The following EML2 variants were observed in gnomAD, a reference collection of about 807,000 sequenced individuals.
EML2 encodes the protein echinoderm microtubule-associated protein-like 2.
In EML2, 59 loss-of-function variants were observed where a neutral mutation model predicts 84.7. That is an observed-to-expected ratio of 0.70 (90% CI 0.56 to 0.86). The LOEUF (loss-of-function observed/expected upper bound fraction) is 0.86, where lower values mean the gene tolerates loss of function less well. Among genes scored for constraint, EML2 ranks in the 40% least tolerant of loss-of-function variants. The pLI is 0.00. For synonymous variants in EML2, 352 were observed against 348.9 expected, an observed-to-expected ratio of 1.01 and a Z score of -0.10; for missense variants, 818 against 855.6, an observed-to-expected ratio of 0.96 and a Z score of 0.55.
At chr19:45,639,659 C>G (rs539042862), upstream of EML2, among the ~76,000 whole-genome samples, 1 of 152,134 alleles carries the variant, frequency 6.6e-6, no homozygotes, top group South Asian at 2.1e-4. Flanking sequence ...CACAGGTCGT[C>G]CAACCTCTGC....
At position 45,632,188 on chromosome 19, in the gene EML2, T is replaced by C. The variant is rs950034581; in HGVS notation, c.510+673A>G. ...GATTACAGGCGTGAGCCACTGCACCTGGCCTTTTTTTTTTTTTGAGTACGA... is the reference window on the plus strand; with the variant it reads ...GATTACAGGCGTGAGCCACTGCACCCGGCCTTTTTTTTTTTTTGAGTACGA... On this transcript the variant is annotated intron_variant, in intron 6 of 18. Transcript: ENST00000245925. 2.0e-4 allele frequency among the ~76,000 whole-genome samples: 23 copies of C among 116,490 alleles called. No homozygotes were observed. In the East Asian group the frequency reaches 6.2e-3, roughly 31 times the overall value. 76.4% of individuals were successfully genotyped at this position (116,490 alleles called of 152,430 possible).
chr19:45,638,528 A>C lies in EML2; in HGVS notation c.156T>G (p.Ser52=). 6.2e-7 allele frequency: 1 copy of C among 1,614,088 alleles called. No individual in the cohort carries two copies. Residue 52 remains serine (S), a synonymous_variant, in exon 3 of 19, where the codon TCT becomes TCG. Coordinates refer to ENST00000245925, the MANE Select transcript of EML2 (RefSeq NM_012155.4). ...ACACCCACTCCAGCTTGAGCCGGCA[A>C]GAAGGCAGCTCCGAGCGTGTGTCCA... ...YSLDTRSELP[S]CRLKLEWVYG...
At chr19:45,630,901 C>T (rs1972953059) in intron 6 of EML2, among the ~76,000 whole-genome samples, 1 of 152,152 alleles carries the variant, frequency 6.6e-6, no homozygotes, top group African/African-American at 2.4e-5. Context: ...ATTGCCCAAG[C>T]TGGAATGCAG....
In EML2 at chr19:45,616,575, G is replaced by C; in HGVS notation, c.1412-17C>G. 1.9e-6 allele frequency: 3 copies of C among 1,595,328 alleles called. No individual in the cohort carries two copies. Among genetic ancestry groups the C allele is most frequent in the Non-Finnish European group, 2.6e-6 (3 of 1,164,912 alleles). ...ACGCCCCGTCTGGGGGAGGGGGAGG[G>C]GGGCTATGAGGAGGCACCCAGGCTC... is the stretch of plus-strand genomic sequence containing the variant. On this transcript the variant is annotated splice_polypyrimidine_tract_variant and intron_variant, in intron 14 of 18. Coordinates refer to ENST00000245925, the MANE Select transcript of EML2 (RefSeq NM_012155.4).
chr19:45,611,605 C>T (rs1970506892), intron 18 of EML2, among the ~76,000 whole-genome samples: 1 of 151,866 alleles, frequency 6.6e-6, no homozygotes, highest in African/African-American at 2.4e-5. Context: ...CCTGCCTCAG[C>T]CTCCTGAGTA....
rs780966098 is a variant in EML2 at position 45,630,008 on chromosome 19, A to T, written c.549T>A (p.Asn183Lys). ...AGTCCCACACCGAGAGCATGTGATC[A>T]TTGGATTCATCCACTGCACACAGCA... ...GNLLCAVDES[N>K]DHMLSVWDWA... Residue 183 changes from asparagine to lysine, a missense_variant, in exon 7 of 19, where the codon AAT becomes AAA. Physicochemically the swap from Asn to Lys is moderately conservative, Grantham distance 94. Coordinates refer to ENST00000245925, the MANE Select transcript of EML2 (RefSeq NM_012155.4). The T allele has an allele frequency of 6.2e-7, 1 of 1,613,494 alleles. No individual in the cohort carries two copies. The highest frequency in any genetic ancestry group is 1.3e-5 in the African/African-American group (1 of 74,986).
intron 6 of EML2, among the ~76,000 whole-genome samples, chr19:45,631,884 ATTTTTT>A (rs755529171): frequency 1.0e-4 from 9 of 90,318 alleles, no homozygotes; most frequent in Non-Finnish European, 1.7e-4. Context: ...GCTAATTAGA[ATTTTTT>A]TTTTTTTTTT....
chr19:45,633,848 G>C (rs1242363486), intron 4 of EML2, among the ~76,000 whole-genome samples: 1 of 152,198 alleles, frequency 6.6e-6, no homozygotes, highest in Non-Finnish European at 1.5e-5. Context: ...GGACTTCAGC[G>C]ATCCTTCCGC....
chr19:45,645,265 G>A (rs574051923), upstream of EML2: 1 of 1,533,156 alleles, frequency 6.5e-7, no homozygotes, highest in Non-Finnish European at 8.7e-7. Context: ...ACTGAGGAGG[G>A]GTCTCACCGT....
intron 10 of EML2, 41 bp downstream of exon 10, chr19:45,621,442 G>A (rs1275799385): frequency 6.3e-7 from 1 of 1,592,688 alleles, no homozygotes; most frequent in Middle Eastern, 1.7e-4. Context: ...AGATCGGGGG[G>A]GGCCTCTCTA....
chr19:45,632,688 G>A, intron 6 of EML2, 173 bp downstream of exon 6: 1 of 601,280 alleles, frequency 1.7e-6, no homozygotes, highest in South Asian at 2.0e-5. Flanking sequence ...GGCGGGCACG[G>A]TGACTCACCC....
chr19:45,618,433 T>C (rs1971326257), intron 12 of EML2, among the ~76,000 whole-genome samples: 4 of 151,918 alleles, frequency 2.6e-5, no homozygotes. Context: ...TGGCCAGTGG[T>C]TACCCTATGG....
chr19:45,622,748 TAA>T (rs1444845283), intron 9 of EML2, among the ~76,000 whole-genome samples: 1 of 152,030 alleles, frequency 6.6e-6, no homozygotes, highest in Admixed American at 6.6e-5. Flanking sequence ...GACAATTTTT[TAA>T]AAAGAGAGGG....
At chr19:45,617,877 A>T (rs1190112004) in intron 12 of EML2, among the ~76,000 whole-genome samples, 180 bp from the exon 13 acceptor site, 1 of 152,004 alleles carries the variant, frequency 6.6e-6, no homozygotes, top group African/African-American at 2.4e-5. Flanking sequence ...TTTCTGTAGC[A>T]TGTTAACCTG....
At chr19:45,629,590 C>T in intron 7 of EML2, among the ~76,000 whole-genome samples, 1 of 150,838 alleles carries the variant, frequency 6.6e-6, no homozygotes, top group Non-Finnish European at 1.5e-5. Flanking sequence ...TCCCAAAGTG[C>T]TGGGATTACA....
upstream of EML2, chr19:45,641,937 CCTT>C (rs1276422204): frequency 6.9e-7 from 1 of 1,442,318 alleles, no homozygotes; most frequent in Non-Finnish European, 9.1e-7. Flanking sequence ...GAGGTCGCCT[CCTT>C]CTTGGGAGAG....
intron 11 of EML2, 82 bp downstream of exon 11, chr19:45,621,125 G>A (rs12980698): frequency 6.5e-7 from 1 of 1,544,042 alleles, no homozygotes; most frequent in Admixed American, 1.9e-5. Context: ...AGAACTGGGA[G>A]TGGGGAGGGG....
intron 17 of EML2, 67 bp downstream of exon 17, chr19:45,614,538 A>G: frequency 7.1e-7 from 1 of 1,399,264 alleles, no homozygotes; most frequent in Admixed American, 1.7e-5. Context: ...AGACTCTGGA[A>G]ACCACCAGCG....
At chr19:45,612,353 C>T (rs1037652448) in intron 18 of EML2, among the ~76,000 whole-genome samples, 11 of 152,156 alleles carry the variant, frequency 7.2e-5, no homozygotes, top group Admixed American at 3.3e-4. Context: ...CTTGAGCCAC[C>T]GCACCCGGCC....
Sources: gnomAD v4.1 joint callset for allele counts (sites outside exome capture counted in the v4.1 genomes callset) on GRCh38, gnomAD v4.1.1 for gene constraint, MANE v1.5 for transcripts, NCBI Gene and HGNC (gene_info 2026-07-23, HGNC 2026-07-21) for gene names.